CLCN3: variants seen among roughly 807,000 people sequenced by gnomAD.
The protein encoded by CLCN3 is Cl-/H+ antiporter 3.
CLCN3 carries 16 observed loss-of-function variants against 83.4 expected under a neutral mutation model. The observed-to-expected ratio is 0.19, with a 90% confidence interval of 0.13 to 0.29. The LOEUF (loss-of-function observed/expected upper bound fraction) is 0.29. Among genes scored for constraint, CLCN3 ranks in the 10% least tolerant of loss-of-function variants. The pLI is 1.00. For synonymous variants in CLCN3, 322 were observed against 346.2 expected, an observed-to-expected ratio of 0.93 and a Z score of 0.78; for missense variants, 544 against 1,006.0, an observed-to-expected ratio of 0.54 and a Z score of 6.21.
chr4:169,632,632 G>A (rs1275920822), intron 1 of CLCN3, among the ~76,000 whole-genome samples: 1 of 145,822 alleles, frequency 6.9e-6, no homozygotes, highest in Non-Finnish European at 1.5e-5. Flanking sequence ...CAGAAGAATG[G>A]CCTGAACCCA....
Position 169,636,089 on chromosome 4 carries a change from G to A in CLCN3, c.160+1G>A. 4 of 1,610,524 alleles carry A rather than the reference G, an allele frequency of 2.5e-6. No individual in the cohort carries two copies. Among genetic ancestry groups the A allele is most frequent in the Non-Finnish European group, 3.4e-6 (4 of 1,178,228 alleles). Reference sequence around the variant, plus strand: ...TTATTAGATGGTGACACTGCAGTTGGTAAGTTCAGCATGACAGCCTAATGT... The same window carrying A: ...TTATTAGATGGTGACACTGCAGTTGATAAGTTCAGCATGACAGCCTAATGT... On this transcript the variant is annotated splice_donor_variant, in intron 2 of 12. Coordinates refer to ENST00000513761, the MANE Select transcript of CLCN3 (RefSeq NM_001829.4). LOFTEE classifies it high-confidence loss of function.
chr4:169,638,801 G>T (rs1348086572), intron 2 of CLCN3, among the ~76,000 whole-genome samples: 1 of 152,116 alleles, frequency 6.6e-6, no homozygotes, highest in Non-Finnish European at 1.5e-5. Flanking sequence ...TATCAGGGAG[G>T]ATAATTTTTC....
chr4:169,650,604 ACATAT>A (rs1450011992), intron 2 of CLCN3, among the ~76,000 whole-genome samples: 1 of 152,228 alleles, frequency 6.6e-6, no homozygotes, highest in African/African-American at 2.4e-5. Flanking sequence ...AATGAAGTTA[ACATAT>A]CACTGCTACC....
intron 11 of CLCN3, among the ~76,000 whole-genome samples, chr4:169,707,737 A>C (rs961493165): frequency 4.6e-5 from 7 of 152,172 alleles, no homozygotes; most frequent in Non-Finnish European, 1.0e-4. Context: ...TTATAATATT[A>C]ATTTATAATA....
chr4:169,652,668 T>C (rs1183219484), intron 2 of CLCN3, among the ~76,000 whole-genome samples: 2 of 152,178 alleles, frequency 1.3e-5, no homozygotes, highest in East Asian at 1.9e-4. Context: ...GATGTGAACT[T>C]GTTGGGTCAT....
Position 169,679,672 on chromosome 4 carries a change from C to A in CLCN3, c.161-378C>A, listed in dbSNP as rs113446137. 2.0e-5 allele frequency among the ~76,000 whole-genome samples: 3 copies of A among 152,148 alleles called. No homozygotes were observed. The East Asian group carries it at 5.8e-4, about 29-fold the overall frequency. ...GGGAGGCCGAGGCGGGCAGATCACT[C>A]GAGGTCAGGAGCTGGAGACCAGCCC... On this transcript the variant is annotated intron_variant, in intron 2 of 12. Coordinates refer to ENST00000513761, the MANE Select transcript of CLCN3 (RefSeq NM_001829.4).
intron 2 of CLCN3, among the ~76,000 whole-genome samples, chr4:169,644,269 CTTT>C (rs56979682): frequency 1.5e-5 from 2 of 135,968 alleles, no homozygotes; most frequent in African/African-American, 2.7e-5. Context: ...TTTTTTTTTT[CTTT>C]TTTTTTTTTT....
intron 1 of CLCN3, among the ~76,000 whole-genome samples, chr4:169,629,935 TC>T (rs1471264035): frequency 1.3e-5 from 2 of 152,304 alleles, no homozygotes; most frequent in Non-Finnish European, 2.9e-5. Context: ...GTGCCTCAGT[TC>T]CTCATTTTTA....
At chr4:169,626,964 G>A (rs1334557685) in intron 1 of CLCN3, among the ~76,000 whole-genome samples, 1 of 152,134 alleles carries the variant, frequency 6.6e-6, no homozygotes, top group African/African-American at 2.4e-5. Context: ...CAGACGTCTA[G>A]TCTCATCTCC....
chr4:169,650,441 T>C (rs1730699699), intron 2 of CLCN3, among the ~76,000 whole-genome samples: 1 of 152,248 alleles, frequency 6.6e-6, no homozygotes, highest in African/African-American at 2.4e-5. Context: ...TTGTTTTATC[T>C]GGCATTTTCC....
intron 2 of CLCN3, among the ~76,000 whole-genome samples, chr4:169,664,215 T>A (rs192037610): frequency 1.3e-5 from 2 of 152,328 alleles, no homozygotes; most frequent in East Asian, 3.9e-4. Flanking sequence ...AATGATGGGC[T>A]TAAACCACAA....
At chr4:169,690,137 CTTTTTTTTTTTT>C (rs397769904) in intron 5 of CLCN3, among the ~76,000 whole-genome samples, 2 of 110,464 alleles carry the variant, frequency 1.8e-5, no homozygotes, top group East Asian at 2.5e-4. Flanking sequence ...TCTTTTCTTT[CTTTTTTTTTTTT>C]TTTTTTTGGC....
At chr4:169,686,529 G>T (rs554220454) in intron 3 of CLCN3, among the ~76,000 whole-genome samples, 3 of 151,724 alleles carry the variant, frequency 2.0e-5, no homozygotes, top group Non-Finnish European at 2.9e-5. Context: ...TGATTCTCCT[G>T]CCTCAGCTTC....
Position 169,720,778 on chromosome 4 carries a change from A to G in CLCN3, c.*781A>G, listed in dbSNP as rs965618306. ...CAGGTAAAGTCTCGAAGGAAGCGAG[A>G]ACGAAATCTCTCATTGTGTGCCGTG... On this transcript the variant is annotated 3_prime_UTR_variant, in exon 13 of 13. Coordinates refer to ENST00000513761, the MANE Select transcript of CLCN3 (RefSeq NM_001829.4). The G allele has an allele frequency of 6.6e-6, 1 of 152,662 alleles. No homozygotes were observed. Among genetic ancestry groups the G allele is most frequent in the African/African-American group, 2.4e-5 (1 of 41,464 alleles). 9.5% of individuals were successfully genotyped at this position (152,662 alleles called of 1,614,324 possible).
chr4:169,686,291 G>A (rs1424013925), intron 3 of CLCN3, among the ~76,000 whole-genome samples: 1 of 150,832 alleles, frequency 6.6e-6, no homozygotes, highest in Non-Finnish European at 1.5e-5. Context: ...CCTGCACATT[G>A]TGCACATGTA....
chr4:169,693,759 A>G (rs1428960755), intron 7 of CLCN3, among the ~76,000 whole-genome samples: 1 of 152,206 alleles, frequency 6.6e-6, no homozygotes, highest in East Asian at 1.9e-4. Context: ...TACTTATTCT[A>G]AGTTCAAAAA....
In CLCN3 at chr4:169,686,935, AAG is replaced by A. The variant is rs1159952058; in HGVS notation, c.319-720_319-719del. ...ACACTTTTGCCTTACACAGTAAAGA[AAG>A]AGCCTCTGGACTCTACCAATGGGAT... On this transcript the variant is annotated intron_variant, in intron 3 of 12. Coordinates refer to ENST00000513761, the MANE Select transcript of CLCN3 (RefSeq NM_001829.4). Among the ~76,000 whole-genome samples the A allele has an allele frequency of 8.5e-5, 13 of 152,306 alleles. No individual in the cohort carries two copies. The East Asian group carries it at 1.7e-3, about 20-fold the overall frequency.
chr4:169,676,199 T>TTTA (rs976226356), intron 2 of CLCN3, among the ~76,000 whole-genome samples: 2 of 152,244 alleles, frequency 1.3e-5, no homozygotes, highest in African/African-American at 4.8e-5. Context: ...TGGCCAATTT[T>TTTA]TTATACCAGT....
chr4:169,686,561 C>T (rs1343122673), intron 3 of CLCN3, among the ~76,000 whole-genome samples: 1 of 152,048 alleles, frequency 6.6e-6, no homozygotes, highest in Non-Finnish European at 1.5e-5. Context: ...GGATTACAGG[C>T]GTTCGCCACC....
Sources: gnomAD v4.1 joint callset for allele counts (sites outside exome capture counted in the v4.1 genomes callset) on GRCh38, gnomAD v4.1.1 for gene constraint, MANE v1.5 for transcripts, NCBI Gene and HGNC (gene_info 2026-07-23, HGNC 2026-07-21) for gene names.